PDE4DIP: variants seen among roughly 807,000 people sequenced by gnomAD.
PDE4DIP encodes myomegalin.
Under a neutral mutation model 221.4 loss-of-function variants are expected in PDE4DIP, and 59 were observed. That is an observed-to-expected ratio of 0.27 (90% CI 0.22 to 0.33). The LOEUF (loss-of-function observed/expected upper bound fraction) is 0.33, where lower values mean the gene tolerates loss of function less well. Ranked by LOEUF, PDE4DIP falls within the 10% of genes least tolerant of loss-of-function variation. The probability of loss-of-function intolerance (pLI) is 1.00; values close to 1 mark genes in which losing one functional copy is unlikely to be tolerated. For missense variants in PDE4DIP, 1,036 were observed against 2,154.2 expected, an observed-to-expected ratio of 0.48 and a Z score of 10.28; for synonymous variants, 404 against 815.9, an observed-to-expected ratio of 0.50 and a Z score of 8.60.
intron 1 of PDE4DIP, among the ~76,000 whole-genome samples, chr1:148,824,278 C>T (rs61118181): frequency 9.4e-5 from 14 of 148,980 alleles, no homozygotes; most frequent in East Asian, 7.7e-4. Flanking sequence ...CTCACGCACA[C>T]GGTATTTGGC....
chr1:148,828,803 C>T (rs1671260348), intron 1 of PDE4DIP, among the ~76,000 whole-genome samples: 2 of 150,804 alleles, frequency 1.3e-5, no homozygotes, highest in South Asian at 4.2e-4. Flanking sequence ...TGTCTGAAGG[C>T]TTGGTTGTAA....
chr1:148,980,992 G>C (rs2060982850), intron 20 of PDE4DIP, among the ~76,000 whole-genome samples: 1 of 152,210 alleles, frequency 6.6e-6, no homozygotes, highest in South Asian at 2.1e-4. Context: ...GGGCTATAGG[G>C]GTGTGAGATA....
intron 9 of PDE4DIP, among the ~76,000 whole-genome samples, chr1:148,963,982 T>A (rs1553515399): frequency 6.6e-6 from 1 of 151,818 alleles, no homozygotes; most frequent in Non-Finnish European, 1.5e-5. Flanking sequence ...ATGGTCTCGA[T>A]GTCCTGACCT....
chr1:148,879,035 G>GTT (rs78320261), intron 3 of PDE4DIP, among the ~76,000 whole-genome samples: 8 of 59,146 alleles, frequency 1.4e-4, no homozygotes, highest in African/African-American at 4.0e-4. Flanking sequence ...GTTTTGTTTT[G>GTT]TTTTTTTTTT....
intron 1 of PDE4DIP, among the ~76,000 whole-genome samples, chr1:148,898,455 G>C (rs1303462160): frequency 4.3e-5 from 5 of 116,880 alleles, no homozygotes; most frequent in African/African-American, 1.6e-4. Context: ...CTTGCCAAGT[G>C]TTTGAAGTTT....
chr1:148,941,532 G>A (rs2050540131), intron 5 of PDE4DIP, among the ~76,000 whole-genome samples: 1 of 126,192 alleles, frequency 7.9e-6, no homozygotes, highest in African/African-American at 3.2e-5. Context: ...AGTTGTCGTG[G>A]AAACTGAGGA....
intron 22 of PDE4DIP, among the ~76,000 whole-genome samples, chr1:148,995,909 A>G (rs587752089): frequency 1.3e-5 from 2 of 150,750 alleles, no homozygotes; most frequent in South Asian, 4.2e-4. Context: ...ATAAAAAATA[A>G]AAGTTGTATA....
chr1:149,020,797 G>A, intron 36 of PDE4DIP: 2 of 543,422 alleles, frequency 3.7e-6, no homozygotes, highest in South Asian at 2.3e-5. Context: ...ACTAATGTAG[G>A]TAATGGTGTG....
chr1:148,953,985 G>A lies in PDE4DIP; in HGVS notation c.637-6669G>A, dbSNP rs1553498760. On this transcript the variant is annotated intron_variant, in intron 5 of 43. Coordinates refer to ENST00000369354, the Ensembl canonical transcript of PDE4DIP. ...TTCACGTGATTTCGGTCTAGGTGGA[G>A]GTTAGAAATATTCTGGACTTGAGAA... The A allele has an allele frequency of 1.5e-5, 12 of 775,238 alleles. No individual in the cohort carries two copies. The South Asian group carries it at 1.7e-4, about 11-fold the overall frequency. The allele number at this position is 775,238 out of a possible 1,614,324, so 48.0% of individuals were successfully genotyped here. A position where few individuals can be genotyped will look rare whatever the true frequency, so the allele number is the denominator to read the frequency against.
intron 1 of PDE4DIP, among the ~76,000 whole-genome samples, chr1:148,817,765 ATTC>A (rs1668134108): frequency 1.0e-5 from 1 of 99,744 alleles, no homozygotes; most frequent in African/African-American, 4.4e-5. Flanking sequence ...CATCCAGTGT[ATTC>A]TTCATCTCAG....
chr1:148,968,418 G>C, intron 13 of PDE4DIP, among the ~76,000 whole-genome samples: 1 of 146,542 alleles, frequency 6.8e-6, no homozygotes, highest in East Asian at 2.0e-4. Flanking sequence ...CCATCGCTAT[G>C]ATAGCAAATA....
intron 21 of PDE4DIP, among the ~76,000 whole-genome samples, chr1:148,986,848 G>A (rs1487371455): frequency 6.6e-6 from 1 of 152,136 alleles, no homozygotes; most frequent in Non-Finnish European, 1.5e-5. Flanking sequence ...CGTTTTCTTT[G>A]AAGAATAAAA....
chr1:148,981,442 T>C, intron 21 of PDE4DIP, 45 bp downstream of exon 24: 3 of 1,612,748 alleles, frequency 1.9e-6, no homozygotes, highest in Non-Finnish European at 2.5e-6. Flanking sequence ...GCATGCCTAC[T>C]GAGCACTGGC....
At position 148,819,879 on chromosome 1, in the gene PDE4DIP, T is replaced by G. The variant is rs1199411807; in HGVS notation, c.233+11142T>G. 1.8e-4 allele frequency among the ~76,000 whole-genome samples: 16 copies of G among 90,522 alleles called. 6 individuals carry two copies. Among genetic ancestry groups the G allele is most frequent in the African/African-American group, 8.7e-4 (16 of 18,458 alleles). 59.4% of individuals were successfully genotyped at this position (90,522 alleles called of 152,430 possible). On this transcript the variant is annotated intron_variant, in intron 1 of 45. Coordinates refer to the PDE4DIP transcript ENST00000524974. Reference sequence around the variant, plus strand: ...GTAAGTTTGAACAGATTTATCTTTCTTCTTTTATTTAACTTAATATTGAAA... The same window carrying G: ...GTAAGTTTGAACAGATTTATCTTTCGTCTTTTATTTAACTTAATATTGAAA...
intron 43 of PDE4DIP, chr1:149,030,784 C>T: frequency 1.0e-6 from 1 of 984,266 alleles, no homozygotes; most frequent in South Asian, 4.7e-5. Flanking sequence ...CAAAAGAGAT[C>T]TGTTGGGTCT....
At chr1:148,837,867 GC>G (rs1260445517) in intron 1 of PDE4DIP, among the ~76,000 whole-genome samples, 2 of 59,338 alleles carry the variant, frequency 3.4e-5, no homozygotes, top group African/African-American at 7.5e-5. Flanking sequence ...GAGAACACAG[GC>G]ATACAGCGGT....
At chr1:148,989,648 T>A (rs1292834554) in intron 21 of PDE4DIP, among the ~76,000 whole-genome samples, 4 of 151,750 alleles carry the variant, frequency 2.6e-5, no homozygotes, top group Admixed American at 2.6e-4. Flanking sequence ...CATAGAGCTG[T>A]GCTTTCTTCA....
At chr1:149,008,814 TC>T (rs2067705652) in intron 29 of PDE4DIP, among the ~76,000 whole-genome samples, 2 of 142,360 alleles carry the variant, frequency 1.4e-5, no homozygotes, top group South Asian at 5.1e-4. Flanking sequence ...ATGAGCTTTT[TC>T]CAAAGTTGGG....
intron 1 of PDE4DIP, among the ~76,000 whole-genome samples, chr1:148,915,134 T>TG (rs1167221174): frequency 1.3e-5 from 2 of 149,880 alleles, no homozygotes; most frequent in Non-Finnish European, 3.0e-5. Context: ...CTTCTGGTTT[T>TG]TTTGTTTGTT....
Sources: gnomAD v4.1 joint callset for allele counts (sites outside exome capture counted in the v4.1 genomes callset) on GRCh38, gnomAD v4.1.1 for gene constraint, MANE v1.5 for transcripts, NCBI Gene and HGNC (gene_info 2026-07-23, HGNC 2026-07-21) for gene names.